Variants in TF observed in about 807,000 individuals in gnomAD.
TF encodes the protein serotransferrin.
Under a neutral mutation model 82.4 loss-of-function variants are expected in TF, and 55 were observed. The observed-to-expected ratio is 0.67, with a 90% CI of 0.54 to 0.84. TF has a LOEUF of 0.84. Ranked by LOEUF, TF falls within the 40% of genes least tolerant of loss-of-function variation. The probability of loss-of-function intolerance (pLI) is 0.00; values close to 1 mark genes in which losing one functional copy is unlikely to be tolerated. For missense variants in TF, 737 were observed against 868.4 expected (o/e 0.85, Z 1.90); for synonymous variants, 332 against 332.6 (o/e 1.00, Z 0.02).
the TF span, among the ~76,000 whole-genome samples, chr3:133,687,469 T>G: frequency 6.6e-6 from 1 of 152,194 alleles, no homozygotes; most frequent in Non-Finnish European, 1.5e-5. Context: ...AGTGTACAAA[T>G]CAGTGGTATT....
chr3:133,710,520 T>C, the TF span, among the ~76,000 whole-genome samples: 1 of 152,154 alleles, frequency 6.6e-6, no homozygotes. Context: ...ACCACCTTTC[T>C]TAGCAGACCA....
the TF span, among the ~76,000 whole-genome samples, chr3:133,670,913 C>T: frequency 6.6e-6 from 1 of 152,166 alleles, no homozygotes; most frequent in Admixed American, 6.5e-5. Flanking sequence ...TACAGAGAAG[C>T]CAGCCGAACT....
In TF at chr3:133,782,786, T is replaced by A. The variant is rs1576370989; in HGVS notation, c.*4166T>A. The A allele has an allele frequency of 1.6e-5, 1 of 64,430 alleles. No homozygotes were observed. The allele number at this position is 64,430 out of a possible 1,614,324, so 4.0% of individuals were successfully genotyped here. A position where few individuals can be genotyped will look rare whatever the true frequency, so the allele number is the denominator to read the frequency against. ...GCCTAGGCAACATGACAAAACCCCA[T>A]CTCTGCAAAAAAAAAAAAAAAAACA... On this transcript the variant is annotated 3_prime_UTR_variant, in exon 17 of 17. Transcript: ENST00000402696.
upstream of TF, chr3:133,746,106 C>A (rs928219597): frequency 3.1e-5 from 14 of 456,524 alleles, no homozygotes; most frequent in African/African-American, 8.0e-5. Context: ...CAGAGCCCCC[C>A]GGCTCCCAGC....
At chr3:133,664,904 G>C in the TF span, 1 of 152,066 alleles carries the variant, frequency 6.6e-6, no homozygotes, top group African/African-American at 2.4e-5. Context: ...GTTATGATAT[G>C]CCCTCGGAAG....
intron 14 of TF, among the ~76,000 whole-genome samples, chr3:133,771,152 A>G (rs1193339965): frequency 6.6e-6 from 1 of 152,246 alleles, no homozygotes; most frequent in Non-Finnish European, 1.5e-5. Flanking sequence ...GGCAGGAAAA[A>G]TAGATGCTGA....
At chr3:133,689,625 C>A in the TF span, among the ~76,000 whole-genome samples, 2,128 of 152,110 alleles carry the variant, frequency 0.014, 18 homozygotes, top group Middle Eastern at 0.034. Flanking sequence ...TGAGTCCTAC[C>A]TAAAACTATA....
the TF span, among the ~76,000 whole-genome samples, chr3:133,680,513 C>T: frequency 1.4e-5 from 2 of 147,838 alleles, no homozygotes; most frequent in East Asian, 2.0e-4. Flanking sequence ...CTACTCTCCA[C>T]CTTTTATTTC....
the TF span, among the ~76,000 whole-genome samples, chr3:133,690,789 C>T: frequency 1.2e-4 from 18 of 152,228 alleles, no homozygotes; most frequent in African/African-American, 3.1e-4. Flanking sequence ...CAAGAACTAC[C>T]TGGAGGCCAT....
the TF span, among the ~76,000 whole-genome samples, chr3:133,677,678 A>G: frequency 6.6e-6 from 1 of 151,216 alleles, no homozygotes; most frequent in African/African-American, 2.4e-5. Context: ...AACAAAAATC[A>G]TTTCTTTTTT....
the TF span, among the ~76,000 whole-genome samples, chr3:133,664,340 T>A: frequency 6.6e-6 from 1 of 152,202 alleles, no homozygotes; most frequent in Non-Finnish European, 1.5e-5. Context: ...TTTCTTTTTT[T>A]TGAGACGGAG....
At chr3:133,689,050 G>A in the TF span, among the ~76,000 whole-genome samples, 6 of 152,284 alleles carry the variant, frequency 3.9e-5, no homozygotes, top group Admixed American at 3.9e-4. Flanking sequence ...TATAGGCTGG[G>A]TGTGGTGGCT....
At chr3:133,766,817 G>A (rs1047202919) in intron 12 of TF, among the ~76,000 whole-genome samples, 7 of 152,098 alleles carry the variant, frequency 4.6e-5, no homozygotes, top group African/African-American at 7.2e-5. Context: ...GGTTGCCATC[G>A]CATCCATGAT....
rs1327974065 is a variant in TF at position 133,779,235 on chromosome 3, G to A, written c.*615G>A. On this transcript the variant is annotated 3_prime_UTR_variant, in exon 17 of 17. Transcript: ENST00000402696. ...TCTTTTTTGCTGAAAAGCATTCCCT[G>A]AGCTTGATGCCACAGCAGTTACTGC... 1.9e-5 allele frequency: 3 copies of A among 153,996 alleles called. No individual in the cohort carries two copies. The highest frequency in any genetic ancestry group is 4.8e-5 in the African/African-American group (2 of 41,454). The allele number at this position is 153,996 out of a possible 1,614,324, so 9.5% of individuals were successfully genotyped here.
At chr3:133,687,507 T>A in the TF span, among the ~76,000 whole-genome samples, 1 of 151,906 alleles carries the variant, frequency 6.6e-6, no homozygotes, top group Non-Finnish European at 1.5e-5. Context: ...TGTACAACCA[T>A]CATCTCTATC....
the TF span, chr3:133,700,351 G>C: frequency 6.6e-6 from 1 of 152,388 alleles, no homozygotes; most frequent in East Asian, 1.9e-4. Context: ...AGCTATGTCA[G>C]GAGTGGCTTT....
upstream of TF, chr3:133,746,274 G>C (rs867233581): frequency 2.5e-5 from 18 of 734,204 alleles, no homozygotes; most frequent in South Asian, 2.7e-4. Context: ...GAGTAAGGAA[G>C]GGGGGTTGGG....
At chr3:133,724,746 A>T in the TF span, among the ~76,000 whole-genome samples, 1,004 of 152,292 alleles carry the variant, frequency 6.6e-3, 8 homozygotes, top group African/African-American at 0.022. Flanking sequence ...TATGTCCTGA[A>T]TGGTATTGCC....
chr3:133,753,521 T>C, intron 2 of TF, 74 bp from the exon 3 acceptor site: 1 of 1,340,506 alleles, frequency 7.5e-7, no homozygotes, highest in Non-Finnish European at 1.1e-6. Flanking sequence ...GTAGCCACTC[T>C]CTACTTGTGT....
Sources: allele counts gnomAD v4.1 joint callset (sites outside exome capture counted in the v4.1 genomes callset), GRCh38; gene constraint gnomAD v4.1.1; transcripts MANE v1.5; gene names NCBI Gene and HGNC (gene_info 2026-07-23, HGNC 2026-07-21).